CHD5: variants seen among roughly 807,000 people sequenced by gnomAD.
CHD5 encodes the protein ATP-dependent chromatin remodeler CHD5.
A neutral mutation model predicts 230.3 loss-of-function variants in CHD5; 69 were observed. The ratio of observed to expected loss-of-function variants is 0.30; its 90% confidence interval spans 0.25 to 0.37. CHD5 has a LOEUF of 0.37. CHD5 is among the 10% of genes least tolerant of loss of function. The pLI is 1.00. For synonymous variants in CHD5, 1,064 were observed against 1,065.9 expected (o/e 1.00, Z 0.03); for missense variants, 1,827 against 2,622.8 (o/e 0.70, Z 6.63).
intron 31 of CHD5, among the ~76,000 whole-genome samples, chr1:6,122,571 G>A (rs527285811): frequency 6.6e-6 from 1 of 152,302 alleles, no homozygotes; most frequent in African/African-American, 2.4e-5. Flanking sequence ...TTGGAAAACA[G>A]TCTAGTAGTT....
intron 11 of CHD5, among the ~76,000 whole-genome samples, chr1:6,145,341 T>A (rs924090552): frequency 6.6e-6 from 1 of 152,214 alleles, no homozygotes; most frequent in African/African-American, 2.4e-5. Flanking sequence ...CCAGAAGCAC[T>A]GAGTGTCAGA....
At chr1:6,145,534 A>C (rs1290425190) in intron 11 of CHD5, among the ~76,000 whole-genome samples, 3 of 152,128 alleles carry the variant, frequency 2.0e-5, no homozygotes, top group Admixed American at 6.5e-5. Context: ...CCACCCACCA[A>C]ATCAAAACCA....
rs56933510 is a variant in CHD5, at chr1:6,159,227, TCACACACACACACA to T, written c.387+95_387+108del. 16 of 1,402,320 alleles carry T rather than the reference TCACACACACACACA, an allele frequency of 1.1e-5. No homozygotes were observed. The Admixed American group carries it at 3.5e-4, about 30-fold the overall frequency. 86.9% of individuals were successfully genotyped at this position (1,402,320 alleles called of 1,614,324 possible). A position where few individuals can be genotyped will look rare whatever the true frequency, so the allele number is the denominator to read the frequency against. On this transcript the variant is annotated intron_variant, in intron 3 of 41. Coordinates refer to ENST00000262450, the MANE Select transcript of CHD5 (RefSeq NM_015557.3). ...AGCCTGGCAACAGAGTGAGACTCCA[TCACACACACACACA>T]CACACACACACACACACAGAACATA...
At chr1:6,139,231 G>C (rs912909143) in intron 15 of CHD5, among the ~76,000 whole-genome samples, 2 of 151,134 alleles carry the variant, frequency 1.3e-5, no homozygotes, top group African/African-American at 4.9e-5. Context: ...TTGTTGTTTT[G>C]TTGTTGTTGT....
chr1:6,160,421 AGCCAG>A (rs1667155923), intron 2 of CHD5, among the ~76,000 whole-genome samples: 1 of 131,780 alleles, frequency 7.6e-6, no homozygotes, highest in African/African-American at 3.2e-5. Flanking sequence ...GAAGGGCCCC[AGCCAG>A]AGAAGGAGAG....
At chr1:6,166,529 A>C (rs978506617) in intron 2 of CHD5, among the ~76,000 whole-genome samples, 12 of 151,610 alleles carry the variant, frequency 7.9e-5, no homozygotes, top group Non-Finnish European at 1.2e-4. Context: ...TGGGGCTAAC[A>C]CCTCCCAGCC....
At chr1:6,175,470 G>C (rs1023896872) in intron 1 of CHD5, among the ~76,000 whole-genome samples, 2 of 151,772 alleles carry the variant, frequency 1.3e-5, no homozygotes. Context: ...ATGGATGGAT[G>C]GTGGGTGGTG....
At position 6,167,731 on chromosome 1, in the gene CHD5, G is replaced by A. The variant is rs543577524; in HGVS notation, c.207+419C>T. On this transcript the variant is annotated intron_variant, in intron 2 of 41. Transcript: ENST00000262450. This position sits in a 1 kb window ranked among gnomAD's most constrained non-coding sequence, Gnocchi z 4.5. ...GGGACAAAGTGACGGGAATCCAGAG[G>A]TCACCTGCAGGTGACTGTCCCTAAA... Among the ~76,000 whole-genome samples the A allele has an allele frequency of 6.6e-6, 1 of 152,208 alleles. No individual in the cohort carries two copies. The highest frequency in any genetic ancestry group is 2.1e-4 in the South Asian group (1 of 4,816).
At chr1:6,156,477 A>C (rs1276016287) in intron 3 of CHD5, among the ~76,000 whole-genome samples, 1 of 148,558 alleles carries the variant, frequency 6.7e-6, no homozygotes, top group Admixed American at 6.8e-5. Context: ...CGGAGGTTGC[A>C]GTGAGCCGAG....
At chr1:6,171,656 C>T (rs933752594) in intron 1 of CHD5, among the ~76,000 whole-genome samples, 10 of 152,218 alleles carry the variant, frequency 6.6e-5, no homozygotes, top group Admixed American at 3.3e-4. Flanking sequence ...TCAGCCTTTC[C>T]CCAAGCCCAG....
chr1:6,160,464 AG>A (rs1346469796), intron 2 of CHD5, among the ~76,000 whole-genome samples: 1 of 148,394 alleles, frequency 6.7e-6, no homozygotes, highest in African/African-American at 2.5e-5. Context: ...CCCCAGCCAG[AG>A]AAGGAGAGCC....
chr1:6,119,815 G>GTATA (rs61439145), intron 33 of CHD5, among the ~76,000 whole-genome samples: 8,032 of 148,908 alleles, frequency 0.054, 404 homozygotes, highest in East Asian at 0.24. Flanking sequence ...ACATATATAC[G>GTATA]TATATATATA....
chr1:6,145,383 G>A (rs1052799194), intron 11 of CHD5, among the ~76,000 whole-genome samples: 2 of 152,228 alleles, frequency 1.3e-5, no homozygotes, highest in African/African-American at 4.8e-5. Context: ...CAAAAACAGA[G>A]GCCACAGGGT....
At position 6,121,422 on chromosome 1, in the gene CHD5, G is replaced by T. The variant is rs1373483589; in HGVS notation, c.4779+72C>A. 2 of 1,490,938 alleles carry T rather than the reference G, an allele frequency of 1.3e-6. No homozygotes were observed. The highest frequency in any genetic ancestry group is 2.8e-5 in the African/African-American group (2 of 72,430). 92.4% of individuals were successfully genotyped at this position (1,490,938 alleles called of 1,614,324 possible). A position where few individuals can be genotyped will look rare whatever the true frequency, so the allele number is the denominator to read the frequency against. ...CCTGGGTTCCACCTCGCTGTACAGGGCCTGAGAAGGTCCCCAGACCCAACC... is the reference window on the plus strand; with the variant it reads ...CCTGGGTTCCACCTCGCTGTACAGGTCCTGAGAAGGTCCCCAGACCCAACC... On this transcript the variant is annotated intron_variant, in intron 32 of 41. Transcript: ENST00000262450. This position sits in a 1 kb window ranked among gnomAD's most constrained non-coding sequence, Gnocchi z 4.5.
intron 29 of CHD5, 39 bp from the exon 30 acceptor site, chr1:6,124,700 G>A: frequency 7.9e-7 from 1 of 1,259,186 alleles, no homozygotes; most frequent in Non-Finnish European, 1.1e-6. Context: ...AGGGAGTGGG[G>A]GGCCGGCAAG....
At chr1:6,159,896 G>T (rs1485552919) in intron 2 of CHD5, among the ~76,000 whole-genome samples, 4 of 152,262 alleles carry the variant, frequency 2.6e-5, no homozygotes, top group Non-Finnish European at 4.4e-5. Flanking sequence ...GACTTTGGGG[G>T]CTGAATTAGT....
chr1:6,132,990 G>A (rs529613405), intron 20 of CHD5, among the ~76,000 whole-genome samples: 91 of 151,926 alleles, frequency 6.0e-4, no homozygotes, highest in Admixed American at 1.0e-3. Flanking sequence ...GAACTCCTGG[G>A]CTCAAGCAAT....
At chr1:6,178,768 G>A (rs921083721) in intron 1 of CHD5, among the ~76,000 whole-genome samples, 1 of 152,144 alleles carries the variant, frequency 6.6e-6, no homozygotes, top group South Asian at 2.1e-4. Flanking sequence ...ACAGAAGGGG[G>A]CAGGGGGTGT....
intron 15 of CHD5, among the ~76,000 whole-genome samples, chr1:6,139,526 C>T (rs1271366730): frequency 1.1e-4 from 16 of 151,140 alleles, no homozygotes; most frequent in African/African-American, 3.9e-4. Context: ...GGTGAGCCAC[C>T]GTGCCCGGCT....
Sources: allele counts gnomAD v4.1 joint callset (sites outside exome capture counted in the v4.1 genomes callset), GRCh38; gene constraint gnomAD v4.1.1; non-coding constraint Gnocchi (gnomAD v3.1); transcripts MANE v1.5; gene names NCBI Gene and HGNC (gene_info 2026-07-23, HGNC 2026-07-21).